ZNF544: variants seen among roughly 807,000 people sequenced by gnomAD.
The protein encoded by ZNF544 is zinc finger protein 544.
Under a neutral mutation model 13.5 loss-of-function variants are expected in ZNF544, and 10 were observed. The observed-to-expected ratio is 0.74, with a 90% confidence interval of 0.46 to 1.25. The LOEUF (loss-of-function observed/expected upper bound fraction) is 1.25, where lower values mean the gene tolerates loss of function less well. Among genes scored for constraint, ZNF544 ranks in the 50% most tolerant of loss-of-function variants. ZNF544 has a pLI of 0.00. For synonymous variants in ZNF544, 323 were observed against 300.5 expected (o/e 1.07, Z -0.77); for missense variants, 896 against 845.6 (o/e 1.06, Z -0.74).
chr19:58,261,282 AT>A lies in ZNF544; in HGVS notation c.679del (p.Tyr227ThrfsTer2). ...GTGTGCTAGAGCTTTCTGTCAGAGT[AT>A]TTACTTGAGTAAACTTGGAAACGTT... The part of the protein sequence containing the change: ...HQCARAFCQS[I>X]YLSKLGNVET... On this transcript the variant is annotated frameshift_variant, in exon 7 of 7. Coordinates refer to ENST00000687789, the MANE Select transcript of ZNF544 (RefSeq NM_014480.4). LOFTEE classifies it low-confidence loss of function (END_TRUNC). The A allele has an allele frequency of 6.2e-7, 1 of 1,614,152 alleles. No homozygotes were observed. Among genetic ancestry groups the A allele is most frequent in the Non-Finnish European group, 8.5e-7 (1 of 1,180,036 alleles).
downstream of ZNF544, among the ~76,000 whole-genome samples, chr19:58,266,252 C>T (rs1340991268): frequency 7.1e-6 from 1 of 139,986 alleles, no homozygotes; most frequent in Non-Finnish European, 1.5e-5. Context: ...TGTGCGGTGG[C>T]TCACGCCTGT....
At position 58,262,561 on chromosome 19, in the gene ZNF544, G is replaced by A; in HGVS notation, c.1955G>A (p.Arg652Lys). The A allele has an allele frequency of 1.9e-6, 3 of 1,614,216 alleles. No individual in the cohort carries two copies. Among genetic ancestry groups the A allele is most frequent in the Non-Finnish European group, 2.5e-6 (3 of 1,180,028 alleles). Residue 652 changes from arginine to lysine, a missense_variant, in exon 7 of 7, where the codon AGA (arginine) becomes AAA (lysine). Arg to Lys is a conservative substitution (Grantham distance 26). Transcript: ENST00000687789. ...ARSSYLVMHQ[R>K]THTGEKPFEC... ...AGCTCCTACCTTGTGATGCATCAGA[G>A]AACTCACACTGGTGAGAAACCTTTT... is the stretch of plus-strand genomic sequence containing the variant.
chr19:58,246,748 G>T lies in ZNF544; in HGVS notation c.198G>T (p.Leu66=). 1.2e-6 allele frequency: 2 copies of T among 1,614,118 alleles called. No homozygotes were observed. Among genetic ancestry groups the T allele is most frequent in the Non-Finnish European group, 1.7e-6 (2 of 1,179,988 alleles). The change falls in exon 6 of 7, where the codon CTG becomes CTT. Residue 66 remains leucine (L), a synonymous_variant. Transcript: ENST00000687789. ...FLSKSDVISQ[L]EQEEDLCRAE... is the part of the protein sequence containing the mutation. Reference sequence around the variant, plus strand: ...CCAAATCTGATGTGATCTCTCAGCTGGAGCAAGAAGAGGACCTGTGCAGGG... The same window carrying T: ...CCAAATCTGATGTGATCTCTCAGCTTGAGCAAGAAGAGGACCTGTGCAGGG...
chr19:58,245,097 G>A (rs1314767171), intron 4 of ZNF544, among the ~76,000 whole-genome samples: 2 of 151,668 alleles, frequency 1.3e-5, no homozygotes, highest in Admixed American at 6.6e-5. Context: ...ACAGGTGCCC[G>A]CCACCACACC....
chr19:58,249,911 C>T (rs996275110), intron 6 of ZNF544, among the ~76,000 whole-genome samples: 1 of 152,150 alleles, frequency 6.6e-6, no homozygotes, highest in African/African-American at 2.4e-5. Flanking sequence ...GATGTTACAA[C>T]CCGGCTGACT....
At chr19:58,249,767 G>A (rs886598637) in intron 6 of ZNF544, among the ~76,000 whole-genome samples, 1 of 152,144 alleles carries the variant, frequency 6.6e-6, no homozygotes, top group East Asian at 1.9e-4. Context: ...CCAAGCAACT[G>A]CTGCTGAGGC....
chr19:58,266,095 A>G (rs1040129024), downstream of ZNF544, among the ~76,000 whole-genome samples: 1 of 151,548 alleles, frequency 6.6e-6, no homozygotes, highest in African/African-American at 2.4e-5. Context: ...AATCCCAGCT[A>G]CTCGGGAGGC....
chr19:58,266,514 C>CAAAAAAAAA (rs11340816), downstream of ZNF544: 1 of 58,740 alleles, frequency 1.7e-5, no homozygotes, highest in Non-Finnish European at 2.9e-5. Flanking sequence ...GACTCGGTCT[C>CAAAAAAAAA]AAAAAAAAAA....
rs936452520 is a variant in ZNF544 at position 58,262,833 on chromosome 19, A to G, written c.*79A>G. 3 of 1,524,036 alleles carry G rather than the reference A, an allele frequency of 2.0e-6. No homozygotes were observed. In the African/African-American group the frequency reaches 4.2e-5, roughly 21 times the overall value. The allele number at this position is 1,524,036 out of a possible 1,614,324, so 94.4% of individuals were successfully genotyped here. On this transcript the variant is annotated 3_prime_UTR_variant, in exon 7 of 7. Coordinates refer to ENST00000687789, the MANE Select transcript of ZNF544 (RefSeq NM_014480.4). ...CCAGAGGACGCATGTCGGTGGGAAG[A>G]GCTATCAGTGTGACGTGTATTAAGC...
At chr19:58,274,008 A>C (rs1007543816) in intron 5 of ZNF544, among the ~76,000 whole-genome samples, 6 of 151,942 alleles carry the variant, frequency 3.9e-5, no homozygotes, top group African/African-American at 1.5e-4. Flanking sequence ...GTTGGCCAGG[A>C]TGGTCTCGAA....
chr19:58,241,133 A>G (rs961350490), intron 3 of ZNF544, among the ~76,000 whole-genome samples: 1 of 135,114 alleles, frequency 7.4e-6, no homozygotes, highest in Non-Finnish European at 1.5e-5. Flanking sequence ...CACCATGGCC[A>G]GCCAATTTAA....
Position 58,262,280 on chromosome 19 carries a change from A to C in ZNF544, c.1674A>C (p.Arg558Ser). The change falls in exon 7 of 7, where the codon AGA (arginine) becomes AGC (serine). Residue 558 changes from arginine (R) to serine (S), a missense_variant. Transcript: ENST00000687789. ...GTATTGAATGTGGGAAATCCTTCAG[A>C]TGGAACTCTAACCTCGTCATACATC... ...YQCIECGKSF[R>S]WNSNLVIHQR... is the part of the protein sequence containing the mutation. The C allele has an allele frequency of 6.2e-7, 1 of 1,613,156 alleles. No individual in the cohort carries two copies. The highest frequency in any genetic ancestry group is 2.2e-5 in the East Asian group (1 of 44,778).
chr19:58,274,495 C>G (rs1418460645), intron 5 of ZNF544, among the ~76,000 whole-genome samples: 1 of 152,154 alleles, frequency 6.6e-6, no homozygotes, highest in African/African-American at 2.4e-5. Flanking sequence ...AGGGATGGAA[C>G]ATATACTTTC....
At chr19:58,276,389 G>C in exon 6 of ZNF544, 5 of 1,231,668 alleles carry the variant, frequency 4.1e-6, no homozygotes, top group Non-Finnish European at 5.1e-6. Context: ...CTCCTGGAAG[G>C]CTGCCTGATC....
In ZNF544 at chr19:58,261,285, TACTTGA is replaced by T; in HGVS notation, c.680_685del (p.Tyr227_Ser229delinsCys). The T allele has an allele frequency of 6.2e-7, 1 of 1,614,180 alleles. No individual in the cohort carries two copies. The highest frequency in any genetic ancestry group is 8.5e-7 in the Non-Finnish European group (1 of 1,180,028). On this transcript the variant is annotated inframe_deletion, in exon 7 of 7. Coordinates refer to ENST00000687789, the MANE Select transcript of ZNF544 (RefSeq NM_014480.4). Reference sequence around the variant, plus strand: ...TGCTAGAGCTTTCTGTCAGAGTATTTACTTGAGTAAACTTGGAAACGTTGAAACAGG... The same window carrying T: ...TGCTAGAGCTTTCTGTCAGAGTATTTGTAAACTTGGAAACGTTGAAACAGG...
chr19:58,262,081 T>G lies in ZNF544; in HGVS notation c.1475T>G (p.Phe492Cys). 6.3e-7 allele frequency: 1 copy of G among 1,599,092 alleles called. No individual in the cohort carries two copies. The highest frequency in any genetic ancestry group is 2.3e-5 in the East Asian group (1 of 44,190). Residue 492 changes from phenylalanine to cysteine, a missense_variant, in exon 7 of 7, where the codon TTC (phenylalanine) becomes TGC (cysteine). Transcript: ENST00000687789. The part of the protein sequence containing the change: ...HKRTHTGEKP[F>C]KCTQCGKSFS... The stretch of plus-strand genomic sequence containing the variant: ...AGAACGCACACTGGAGAAAAACCCT[T>G]CAAATGTACTCAGTGTGGGAAATCT...
At chr19:58,243,889 G>T (rs549529116) in intron 3 of ZNF544, 76 bp from the exon 4 acceptor site, 1 of 1,251,332 alleles carries the variant, frequency 8.0e-7, no homozygotes, top group Non-Finnish European at 1.1e-6. Context: ...CCGGCCCCGC[G>T]TTCTCTAGGG....
chr19:58,266,540 G>C (rs1287879870), downstream of ZNF544: 1 of 126,028 alleles, frequency 7.9e-6, no homozygotes, highest in Non-Finnish European at 1.7e-5. Context: ...AAAAAAAAAA[G>C]ATGGAAGTAT....
intron 5 of ZNF544, among the ~76,000 whole-genome samples, chr19:58,275,472 T>C (rs998276876): frequency 6.6e-6 from 1 of 151,266 alleles, no homozygotes; most frequent in African/African-American, 2.4e-5. Context: ...ACTACTGCAA[T>C]AGACAAACTC....
Sources: allele counts gnomAD v4.1 joint callset (sites outside exome capture counted in the v4.1 genomes callset), GRCh38; gene constraint gnomAD v4.1.1; transcripts MANE v1.5; gene names NCBI Gene and HGNC (gene_info 2026-07-23, HGNC 2026-07-21).